Variants in SH2D5 observed in about 807,000 individuals in gnomAD.
The protein encoded by SH2D5 is SH2 domain containing 5.
SH2D5 carries 45 observed loss-of-function variants against 48.2 expected under a neutral mutation model. The ratio of observed to expected loss-of-function variants is 0.93; its 90% confidence interval spans 0.73 to 1.20. The LOEUF is 1.20. Among genes scored for constraint, SH2D5 ranks in the 50% most tolerant of loss-of-function variants. The pLI, the probability that SH2D5 is intolerant of heterozygous loss-of-function variation, is 0.00. For missense variants in SH2D5, 538 were observed against 584.1 expected (o/e 0.92, Z 0.81); for synonymous variants, 230 against 249.8 (o/e 0.92, Z 0.75).
At chr1:20,731,577 T>C (rs1359265869) in intron 1 of SH2D5, 1 of 151,932 alleles carries the variant, frequency 6.6e-6, no homozygotes, top group Non-Finnish European at 1.5e-5. Context: ...GGAGGCGGCA[T>C]GGGGGGTAAA....
At chr1:20,731,787 G>T (rs2054916123) in intron 1 of SH2D5, among the ~76,000 whole-genome samples, 1 of 152,074 alleles carries the variant, frequency 6.6e-6, no homozygotes, top group South Asian at 2.1e-4. Flanking sequence ...GCGCTACCTC[G>T]CTCGGGGCGC....
chr1:20,723,273 T>A (rs1414632463), intron 8 of SH2D5, among the ~76,000 whole-genome samples: 3 of 152,204 alleles, frequency 2.0e-5, no homozygotes. Context: ...TTTAGAAGCT[T>A]AGAAGGTTTC....
In SH2D5 at chr1:20,727,558, C is replaced by T. The variant is rs769640156; in HGVS notation, c.133G>A (p.Val45Met). Residue 45 changes from valine (V) to methionine (M), a missense_variant, in exon 3 of 10, where the codon GTG becomes ATG. Coordinates refer to ENST00000444387, the MANE Select transcript of SH2D5 (RefSeq NM_001103161.2). The part of the protein sequence containing the change: ...PVDDLDTQES[V>M]WLVQQQLWAL... ...CACAGCTGCTGCTGCACCAGCCACA[C>T]GCTCTCCTGGGTGTCCAGGTCATCC... The T allele has an allele frequency of 2.5e-6, 4 of 1,609,854 alleles. No individual in the cohort carries two copies. Among genetic ancestry groups the T allele is most frequent in the Non-Finnish European group, 2.5e-6 (3 of 1,178,722 alleles).
intron 4 of SH2D5, among the ~76,000 whole-genome samples, 179 bp from the exon 5 acceptor site, chr1:20,726,245 C>T (rs564292254): frequency 7.5e-4 from 114 of 152,332 alleles, no homozygotes; most frequent in Middle Eastern, 3.4e-3. Context: ...CTCGGCCTGC[C>T]GGGAGCACAG....
At chr1:20,726,172 C>T in intron 4 of SH2D5, 106 bp from the exon 5 acceptor site, 2 of 1,349,792 alleles carry the variant, frequency 1.5e-6, no homozygotes, top group Non-Finnish European at 2.0e-6. Flanking sequence ...CAGGCCCGCC[C>T]AGTCTCAAGC....
chr1:20,725,808 GC>G, intron 5 of SH2D5, 111 bp downstream of exon 5: 1 of 1,341,054 alleles, frequency 7.5e-7, no homozygotes, highest in East Asian at 2.4e-5. Flanking sequence ...AGGGGTGCAT[GC>G]CTGGAGGGGG....
chr1:20,723,017 T>A, intron 8 of SH2D5, 102 bp from the exon 9 acceptor site: 1 of 1,187,170 alleles, frequency 8.4e-7, no homozygotes, highest in Non-Finnish European at 1.1e-6. Context: ...TAAATGCCCT[T>A]AAACACACGG....
intron 4 of SH2D5, 83 bp from the exon 5 acceptor site, chr1:20,726,149 C>A: frequency 6.8e-7 from 1 of 1,462,136 alleles, no homozygotes; most frequent in African/African-American, 1.4e-5. Flanking sequence ...GGTGAAGAAA[C>A]CCTCCCTCCT....
intron 4 of SH2D5, 44 bp downstream of exon 4, chr1:20,726,957 C>T (rs772909151): frequency 1.3e-6 from 2 of 1,521,398 alleles, no homozygotes; most frequent in African/African-American, 1.4e-5. Flanking sequence ...GGTGGAGACA[C>T]CTGTACCCCT....
At chr1:20,727,932 C>T (rs41265081) in intron 2 of SH2D5, 26 bp downstream of exon 2, 74 of 1,525,424 alleles carry the variant, frequency 4.9e-5, no homozygotes, top group Non-Finnish European at 6.3e-5. Flanking sequence ...CACCAGAGCA[C>T]ACCTGGACAG....
intron 1 of SH2D5, chr1:20,731,404 G>T (rs1460158065): frequency 6.6e-6 from 1 of 152,414 alleles, no homozygotes; most frequent in East Asian, 1.9e-4. Context: ...TAAGCTCTCA[G>T]CCTCCAGGTC....
chr1:20,721,632 C>T lies in SH2D5; in HGVS notation c.*160G>A. 1 of 639,076 alleles carries T rather than the reference C, an allele frequency of 1.6e-6. No homozygotes were observed. The highest frequency in any genetic ancestry group is 2.5e-6 in the Non-Finnish European group (1 of 396,246). The allele number at this position is 639,076 out of a possible 1,614,324, so 39.6% of individuals were successfully genotyped here. A position where few individuals can be genotyped will look rare whatever the true frequency, so the allele number is the denominator to read the frequency against. ...AGAAGCCATTGGCGATACCCACCCT[C>T]AGGGCTCCCCTCCCACGGACAGTGA... On this transcript the variant is annotated 3_prime_UTR_variant, in exon 10 of 10. Transcript: ENST00000444387.
intron 5 of SH2D5, among the ~76,000 whole-genome samples, 174 bp from the exon 6 acceptor site, chr1:20,724,809 G>C (rs1340588691): frequency 6.6e-6 from 1 of 152,218 alleles, no homozygotes; most frequent in East Asian, 1.9e-4. Flanking sequence ...CACCATGCAG[G>C]CTCCCTTACC....
chr1:20,730,321 C>T (rs1443155365), intron 1 of SH2D5, among the ~76,000 whole-genome samples: 2 of 142,368 alleles, frequency 1.4e-5, no homozygotes, highest in Admixed American at 7.0e-5. Flanking sequence ...GGGGGGGGGA[C>T]GCAGCCCCTC....
In SH2D5 at chr1:20,732,359, G is replaced by C. The variant is rs1352918084; in HGVS notation, c.-221C>G. 1 of 152,182 alleles carries C rather than the reference G, an allele frequency of 6.6e-6. No homozygotes were observed. Among genetic ancestry groups the C allele is most frequent in the African/African-American group, 2.4e-5 (1 of 41,446 alleles). The allele number at this position is 152,182 out of a possible 1,614,324, so 9.4% of individuals were successfully genotyped here. On this transcript the variant is annotated 5_prime_UTR_variant, in exon 1 of 10. Coordinates refer to ENST00000444387, the MANE Select transcript of SH2D5 (RefSeq NM_001103161.2). This position sits in a 1 kb window ranked among gnomAD's most constrained non-coding sequence, Gnocchi z 5.1. ...TGAATCCCCCGCGCCTCACTCACGG[G>C]TCCCTCCTCCTGGAGGGCCTCTGCC...
At chr1:20,727,452 C>A in intron 3 of SH2D5, 71 bp downstream of exon 3, 6 of 1,382,872 alleles carry the variant, frequency 4.3e-6, no homozygotes, top group Non-Finnish European at 6.0e-6. Flanking sequence ...GAGAGTGGAT[C>A]TGGTCTAGGG....
At chr1:20,722,990 C>G in intron 8 of SH2D5, 75 bp from the exon 9 acceptor site, 2 of 1,347,984 alleles carry the variant, frequency 1.5e-6, no homozygotes, top group South Asian at 1.7e-5. Flanking sequence ...CCAGCAGCAT[C>G]GAGGCAGCCT....
In SH2D5 at chr1:20,727,530, G is replaced by A. The variant is rs369598480; in HGVS notation, c.161C>T (p.Ala54Val). ...CCCTCCCAGGCCACCCACCTTCAGC[G>A]CCCACAGCTGCTGCTGCACCAGCCA... ...SVWLVQQQLW[A>V]LKDCPRRRAV... is the part of the protein sequence containing the mutation. The change falls in exon 3 of 10, where the codon GCG becomes GTG. Residue 54 changes from alanine (A) to valine (V), a missense_variant. Ala to Val is a moderately conservative substitution (Grantham distance 64). Coordinates refer to ENST00000444387, the MANE Select transcript of SH2D5 (RefSeq NM_001103161.2). The A allele has an allele frequency of 5.7e-4, 909 of 1,602,964 alleles. 1 individual carries two copies. The highest frequency in any genetic ancestry group is 7.1e-4 in the Non-Finnish European group (835 of 1,175,782).
chr1:20,723,536 CG>C, intron 8 of SH2D5, 89 bp downstream of exon 8: 1 of 1,007,444 alleles, frequency 9.9e-7, no homozygotes, highest in Non-Finnish European at 1.5e-6. Flanking sequence ...TGCCCGTGCA[CG>C]GGAGTGTGTG....
Sources: gnomAD v4.1 joint callset for allele counts (sites outside exome capture counted in the v4.1 genomes callset) on GRCh38, gnomAD v4.1.1 for gene constraint, Gnocchi (gnomAD v3.1) non-coding constraint, MANE v1.5 for transcripts, NCBI Gene and HGNC (gene_info 2026-07-23, HGNC 2026-07-21) for gene names.